CDH19: variants seen among roughly 807,000 people sequenced by gnomAD.
The protein encoded by CDH19 is cadherin 19.
In CDH19, 67 loss-of-function variants were observed where a neutral mutation model predicts 64.2. The observed-to-expected ratio is 1.04, with a 90% CI of 0.86 to 1.28. The LOEUF (loss-of-function observed/expected upper bound fraction) is 1.28. Among genes scored for constraint, CDH19 ranks in the 50% most tolerant of loss-of-function variants. The probability of loss-of-function intolerance (pLI) is 0.00; values close to 1 mark genes in which losing one functional copy is unlikely to be tolerated. For synonymous variants in CDH19, 346 were observed against 319.3 expected (o/e 1.08, Z -0.89); for missense variants, 1,030 against 929.0 (o/e 1.11, Z -1.41).
At chr18:66,534,958 C>T (rs1459884894) in intron 8 of CDH19, 28 bp downstream of exon 8, 1 of 1,404,798 alleles carries the variant, frequency 7.1e-7, no homozygotes, top group South Asian at 1.8e-5. Context: ...TGGCAAACAA[C>T]TGTATTGGAT....
chr18:66,537,482 C>T lies in CDH19; in HGVS notation c.1215-2375G>A, dbSNP rs530416350. On this transcript the variant is annotated intron_variant, in intron 7 of 11. Coordinates refer to ENST00000262150, the MANE Select transcript of CDH19 (RefSeq NM_021153.4). Reference sequence around the variant, plus strand: ...TGAATGGTGATATTAACATTGAGAACTCGAATAGGTGATGACGACCCCATT... The same window carrying T: ...TGAATGGTGATATTAACATTGAGAATTCGAATAGGTGATGACGACCCCATT... Among the ~76,000 whole-genome samples, 27 of 151,996 alleles carry T rather than the reference C, an allele frequency of 1.8e-4. No individual in the cohort carries two copies. In the South Asian group the frequency reaches 2.3e-3, roughly 13 times the overall value.
intron 3 of CDH19, among the ~76,000 whole-genome samples, chr18:66,556,010 T>A (rs969235428): frequency 6.6e-6 from 1 of 151,730 alleles, no homozygotes; most frequent in Admixed American, 6.6e-5. Context: ...GCCCCTAAGC[T>A]AGTACTATAC....
chr18:66,550,068 C>T (rs368791470), intron 5 of CDH19, among the ~76,000 whole-genome samples: 1 of 152,204 alleles, frequency 6.6e-6, no homozygotes, highest in South Asian at 2.1e-4. Context: ...ACTAAGAAAT[C>T]ATGCTATGGT....
At chr18:66,551,073 T>C (rs1305111680) in intron 5 of CDH19, 21 bp downstream of exon 5, 3 of 1,321,890 alleles carry the variant, frequency 2.3e-6, no homozygotes, top group East Asian at 2.3e-5. Flanking sequence ...GTAATGAAGA[T>C]GTAGAATCCT....
chr18:66,545,842 A>T (rs1446805337), intron 5 of CDH19, among the ~76,000 whole-genome samples: 1 of 152,138 alleles, frequency 6.6e-6, no homozygotes, highest in Non-Finnish European at 1.5e-5. Flanking sequence ...AAGTGAATGT[A>T]ATATAAAAAA....
chr18:66,516,625 C>T (rs1985750098), intron 9 of CDH19, among the ~76,000 whole-genome samples: 1 of 152,022 alleles, frequency 6.6e-6, no homozygotes. Flanking sequence ...TCTGATTCTC[C>T]TGAAACTGCA....
chr18:66,595,787 G>A (rs1988871527), intron 1 of CDH19, among the ~76,000 whole-genome samples: 1 of 152,060 alleles, frequency 6.6e-6, no homozygotes, highest in South Asian at 2.1e-4. Flanking sequence ...AAAATTTGAG[G>A]AGGATGGACT....
chr18:66,591,495 AG>A (rs1260028199), intron 1 of CDH19, among the ~76,000 whole-genome samples: 5 of 151,882 alleles, frequency 3.3e-5, no homozygotes, highest in African/African-American at 9.7e-5. Context: ...TATACACCGA[AG>A]ATTAGTGTGC....
intron 1 of CDH19, among the ~76,000 whole-genome samples, chr18:66,576,555 A>G (rs1383042789): frequency 6.6e-6 from 1 of 151,628 alleles, no homozygotes; most frequent in Non-Finnish European, 1.5e-5. Flanking sequence ...CATAAGAATT[A>G]TGTCAATTCA....
chr18:66,521,281 G>A (rs1350445221), intron 9 of CDH19, among the ~76,000 whole-genome samples: 1 of 152,064 alleles, frequency 6.6e-6, no homozygotes, highest in Non-Finnish European at 1.5e-5. Flanking sequence ...AAAACATTCA[G>A]AATGATAAAT....
At chr18:66,532,955 T>C (rs1262540927) in intron 8 of CDH19, among the ~76,000 whole-genome samples, 1 of 152,080 alleles carries the variant, frequency 6.6e-6, no homozygotes, top group Non-Finnish European at 1.5e-5. Flanking sequence ...ATATATTGGA[T>C]TGCACCTGCT....
At chr18:66,563,333 A>T (rs1233947350) in intron 3 of CDH19, among the ~76,000 whole-genome samples, 1 of 152,070 alleles carries the variant, frequency 6.6e-6, no homozygotes, top group African/African-American at 2.4e-5. Flanking sequence ...TGAATTCAAT[A>T]GTAAGGAGAT....
At position 66,503,327 on chromosome 18, in the gene CDH19, A is replaced by C. The variant is rs1032683755; in HGVS notation, c.*1485T>G. Reference sequence around the variant, plus strand: ...AGGCTACAATAAATGTATCTATTGCACCTAATTTTATATTCAATAATAAAA... The same window carrying C: ...AGGCTACAATAAATGTATCTATTGCCCCTAATTTTATATTCAATAATAAAA... On this transcript the variant is annotated 3_prime_UTR_variant, in exon 12 of 12. Transcript: ENST00000262150. 1.3e-5 allele frequency: 2 copies of C among 151,846 alleles called. No homozygotes were observed. The highest frequency in any genetic ancestry group is 2.9e-5 in the Non-Finnish European group (2 of 67,834). 9.4% of individuals were successfully genotyped at this position (151,846 alleles called of 1,614,324 possible).
In CDH19 at chr18:66,604,004, C is replaced by T. The variant is rs907538227; in HGVS notation, c.-163G>A. ...TCTGTGAAAACTGAACAGCAAACTT[C>T]GTGTTGGACACATAAGGAAGAGTAG... is the stretch of plus-strand genomic sequence containing the variant. On this transcript the variant is annotated 5_prime_UTR_variant, in exon 1 of 12. Transcript: ENST00000262150. 6.6e-6 allele frequency: 1 copy of T among 152,102 alleles called. No homozygotes were observed. The highest frequency in any genetic ancestry group is 6.6e-5 in the Admixed American group (1 of 15,258). 9.4% of individuals were successfully genotyped at this position (152,102 alleles called of 1,614,324 possible).
chr18:66,557,329 CA>C (rs2144532714), intron 3 of CDH19, among the ~76,000 whole-genome samples: 1 of 152,060 alleles, frequency 6.6e-6, no homozygotes, highest in East Asian at 1.9e-4. Context: ...AGCAGGTGAA[CA>C]TTTTTTACTG....
intron 1 of CDH19, among the ~76,000 whole-genome samples, chr18:66,587,941 T>C (rs1280953164): frequency 6.6e-6 from 1 of 152,204 alleles, no homozygotes; most frequent in Non-Finnish European, 1.5e-5. Flanking sequence ...GTAAATATTA[T>C]ATTCATTTCA....
intron 3 of CDH19, among the ~76,000 whole-genome samples, chr18:66,561,529 T>G (rs1280256456): frequency 6.6e-6 from 1 of 152,014 alleles, no homozygotes; most frequent in Non-Finnish European, 1.5e-5. Flanking sequence ...CTCTGAAAAG[T>G]TTAAATTAAT....
At chr18:66,531,667 G>A (rs1034192168) in intron 8 of CDH19, among the ~76,000 whole-genome samples, 1 of 152,078 alleles carries the variant, frequency 6.6e-6, no homozygotes, top group African/African-American at 2.4e-5. Context: ...AAAACTGGAT[G>A]ACTTGAGTTT....
intron 4 of CDH19, among the ~76,000 whole-genome samples, chr18:66,553,285 CAT>C (rs1431920986): frequency 7.5e-6 from 1 of 134,120 alleles, no homozygotes; most frequent in Non-Finnish European, 1.5e-5. Flanking sequence ...ACATTTGGTA[CAT>C]ATTCAGCCTT....
Sources: allele counts gnomAD v4.1 joint callset (sites outside exome capture counted in the v4.1 genomes callset), GRCh38; gene constraint gnomAD v4.1.1; transcripts MANE v1.5; gene names NCBI Gene and HGNC (gene_info 2026-07-23, HGNC 2026-07-21).